Variants in MAST2 observed in about 807,000 individuals in gnomAD.
MAST2 encodes microtubule-associated serine/threonine-protein kinase 2.
A neutral mutation model predicts 147.4 loss-of-function variants in MAST2; 70 were observed. That is an observed-to-expected ratio of 0.47 (90% CI 0.39 to 0.58). The LOEUF is 0.58. Among genes scored for constraint, MAST2 ranks in the 20% least tolerant of loss-of-function variants. The probability of loss-of-function intolerance (pLI) is 0.00; values close to 1 mark genes in which losing one functional copy is unlikely to be tolerated. For missense variants in MAST2, 2,080 were observed against 2,302.3 expected (o/e 0.90, Z 1.98); for synonymous variants, 869 against 896.8 (o/e 0.97, Z 0.55).
intron 5 of MAST2, among the ~76,000 whole-genome samples, chr1:45,997,271 A>G (rs1024691052): frequency 6.6e-6 from 1 of 152,134 alleles, no homozygotes; most frequent in Admixed American, 6.5e-5. Flanking sequence ...CTTAAAACAC[A>G]CATGTTCCTG....
intron 4 of MAST2, among the ~76,000 whole-genome samples, chr1:45,930,098 T>C (rs1557922219): frequency 6.6e-6 from 1 of 152,036 alleles, no homozygotes; most frequent in Non-Finnish European, 1.5e-5. Context: ...TGAAGTTTGT[T>C]TTGAGGGGGG....
rs139796263 is a variant in MAST2 at position 45,824,693 on chromosome 1, T to C, written c.325+113T>C. 223 of 1,103,838 alleles carry C rather than the reference T, an allele frequency of 2.0e-4. No homozygotes were observed. In the African/African-American group the frequency reaches 3.2e-3, roughly 16 times the overall value. The allele number at this position is 1,103,838 out of a possible 1,614,324, so 68.4% of individuals were successfully genotyped here. A position where few individuals can be genotyped will look rare whatever the true frequency, so the allele number is the denominator to read the frequency against. On this transcript the variant is annotated intron_variant, in intron 2 of 28. Coordinates refer to ENST00000361297, the MANE Select transcript of MAST2 (RefSeq NM_015112.3). ...TTTCTTCTCTGGTAGTAGTCTTGTA[T>C]AGAACATTTATGGTAAGGCTGTCTT...
At chr1:45,851,558 T>A (rs944619455) in intron 3 of MAST2, among the ~76,000 whole-genome samples, 1 of 152,168 alleles carries the variant, frequency 6.6e-6, no homozygotes, top group African/African-American at 2.4e-5. Flanking sequence ...TCAAGAGGAA[T>A]GTTTCCAGTT....
At chr1:45,893,735 A>T (rs1490763522) in intron 4 of MAST2, among the ~76,000 whole-genome samples, 1 of 152,174 alleles carries the variant, frequency 6.6e-6, no homozygotes. Context: ...TCATACAATA[A>T]CTAGAATATT....
intron 4 of MAST2, among the ~76,000 whole-genome samples, chr1:45,935,215 A>G (rs897610039): frequency 6.6e-6 from 1 of 152,070 alleles, no homozygotes; most frequent in African/African-American, 2.4e-5. Flanking sequence ...GTGTCTGTTC[A>G]TGTCTTTTGC....
rs1213314243 is a variant in MAST2, at chr1:46,025,678, G to A, written c.1782G>A (p.Gly594=). ...CATGGTAGCCTGGGCTTGTTGCAGG[G>A]GGAGACTGTGCCACTCTGCTGAAGA... ...HLCMVMEYVE[G]GDCATLLKNI... The change falls in exon 16 of 29, where the codon GGG becomes GGA. Residue 594 remains glycine (G), a splice_region_variant and synonymous_variant. Coordinates refer to ENST00000361297, the MANE Select transcript of MAST2 (RefSeq NM_015112.3). 4 of 1,614,082 alleles carry A rather than the reference G, an allele frequency of 2.5e-6. No individual in the cohort carries two copies. The Admixed American group carries it at 6.7e-5, about 27-fold the overall frequency.
chr1:45,909,967 T>C (rs1651417978), intron 4 of MAST2, among the ~76,000 whole-genome samples: 1 of 151,850 alleles, frequency 6.6e-6, no homozygotes, highest in South Asian at 2.1e-4. Flanking sequence ...TCAAGAGATC[T>C]GCCTGCCTCG....
chr1:45,980,640 T>A (rs940295239), intron 5 of MAST2, among the ~76,000 whole-genome samples: 4 of 152,108 alleles, frequency 2.6e-5, no homozygotes, highest in African/African-American at 9.7e-5. Flanking sequence ...GCTCAAACAG[T>A]CCTCCCACCT....
At chr1:46,002,628 A>T (rs1645318131) in intron 6 of MAST2, among the ~76,000 whole-genome samples, 177 bp from the exon 7 acceptor site, 1 of 152,244 alleles carries the variant, frequency 6.6e-6, no homozygotes, top group Non-Finnish European at 1.5e-5. Context: ...AGGGAAAACA[A>T]CAATAAGCCC....
intron 9 of MAST2, among the ~76,000 whole-genome samples, chr1:46,009,575 A>G (rs539963021): frequency 1.3e-5 from 2 of 152,330 alleles, no homozygotes; most frequent in Non-Finnish European, 2.9e-5. Flanking sequence ...GTGTTTATGA[A>G]GTTTGCAAGT....
In MAST2 at chr1:45,997,658, C is replaced by T. The variant is rs1054878975; in HGVS notation, c.593-66C>T. 1.5e-5 allele frequency: 18 copies of T among 1,236,226 alleles called. No homozygotes were observed. In the African/African-American group the frequency reaches 1.8e-4, roughly 12 times the overall value. 76.6% of individuals were successfully genotyped at this position (1,236,226 alleles called of 1,614,324 possible). A position where few individuals can be genotyped will look rare whatever the true frequency, so the allele number is the denominator to read the frequency against. On this transcript the variant is annotated intron_variant, in intron 5 of 28. Coordinates refer to ENST00000361297, the MANE Select transcript of MAST2 (RefSeq NM_015112.3). ...CAGTGCTAGGGGAATATTTCTTGCC[C>T]GAAAGTCATGTCCACCCTCCTCACA...
At chr1:45,917,891 A>C (rs1301218265) in intron 4 of MAST2, among the ~76,000 whole-genome samples, 5 of 152,212 alleles carry the variant, frequency 3.3e-5, no homozygotes, top group Admixed American at 2.0e-4. Context: ...TTGAGTCCAA[A>C]ACAAGTTAAA....
intron 3 of MAST2, among the ~76,000 whole-genome samples, chr1:45,843,548 T>C (rs1279125574): frequency 1.3e-5 from 2 of 152,168 alleles, no homozygotes; most frequent in Non-Finnish European, 2.9e-5. Flanking sequence ...AGTTTAGGGC[T>C]ATAGATGTGG....
Position 45,888,663 on chromosome 1 carries a change from C to CTTTTTT in MAST2, c.500+6299_500+6304dup, listed in dbSNP as rs71587722. Among the ~76,000 whole-genome samples, 26 of 48,724 alleles carry CTTTTTT rather than the reference C, an allele frequency of 5.3e-4. 4 individuals carry two copies. Among genetic ancestry groups the CTTTTTT allele is most frequent in the Non-Finnish European group, 7.4e-4 (19 of 25,762 alleles). The allele number at this position is 48,724 out of a possible 152,430, so 32.0% of individuals were successfully genotyped here. ...AGGCGTGAGCCACCGCGCGCGGCCT[C>CTTTTTT]TTTTTTTTTTTTTTTTTTTTTTTTT... On this transcript the variant is annotated intron_variant, in intron 4 of 28. Transcript: ENST00000361297.
chr1:46,030,772 A>AGAG lies in MAST2; in HGVS notation c.2708+12_2708+14dup, dbSNP rs762830908. The AGAG allele has an allele frequency of 5.1e-6, 8 of 1,564,972 alleles. No individual in the cohort carries two copies. The African/African-American group carries it at 1.1e-4, about 21-fold the overall frequency. ...TGGCTCCCCTGAGATGTGAGCACCC[A>AGAG]GAGTTCACCCAGGGTGGGCGACACA... On this transcript the variant is annotated intron_variant, in intron 22 of 28. Transcript: ENST00000361297.
chr1:46,030,216 C>T lies in MAST2; in HGVS notation c.2531C>T (p.Ser844Phe). 6.2e-7 allele frequency: 1 copy of T among 1,614,190 alleles called. No individual in the cohort carries two copies. Among genetic ancestry groups the T allele is most frequent in the Non-Finnish European group, 8.5e-7 (1 of 1,180,036 alleles). The stretch of plus-strand genomic sequence containing the variant: ...TGCCTTGAGATCCGCCAGTTCTCTT[C>T]CTGCTCTCCAAGGTTCAACAAGGTG... ...DGCLEIRQFS[S>F]CSPRFNKVYS... Residue 844 changes from serine to phenylalanine, a missense_variant, in exon 21 of 29, where the codon TCC (serine) becomes TTC (phenylalanine). Ser to Phe is a radical substitution (Grantham distance 155, BLOSUM62 -2). Coordinates refer to ENST00000361297, the MANE Select transcript of MAST2 (RefSeq NM_015112.3).
intron 3 of MAST2, among the ~76,000 whole-genome samples, chr1:45,838,342 C>A (rs1365535431): frequency 6.6e-6 from 1 of 151,318 alleles, no homozygotes; most frequent in African/African-American, 2.4e-5. Flanking sequence ...GCCTTACCCT[C>A]CTGAGTAGCT....
At chr1:45,891,668 T>A (rs763561039) in intron 4 of MAST2, among the ~76,000 whole-genome samples, 29 of 152,218 alleles carry the variant, frequency 1.9e-4, no homozygotes, top group East Asian at 3.9e-4. Flanking sequence ...TTTTTTTTTT[T>A]ATAATCTCCT....
chr1:45,911,850 GTTATATTATTA>G (rs1233817517), intron 4 of MAST2, among the ~76,000 whole-genome samples: 3 of 133,250 alleles, frequency 2.3e-5, no homozygotes, highest in Non-Finnish European at 3.1e-5. Flanking sequence ...TATTATTATT[GTTATATTATTA>G]TTATTATTAT....
Sources: allele counts gnomAD v4.1 joint callset (sites outside exome capture counted in the v4.1 genomes callset), GRCh38; gene constraint gnomAD v4.1.1; transcripts MANE v1.5; gene names NCBI Gene and HGNC (gene_info 2026-07-23, HGNC 2026-07-21).